The following KCNIP4 variants were observed in gnomAD, a reference collection of about 807,000 sequenced individuals.
KCNIP4 encodes Kv channel-interacting protein 4.
In KCNIP4, 12 loss-of-function variants were observed where a neutral mutation model predicts 34.0. The observed-to-expected ratio is 0.35, with a 90% CI of 0.23 to 0.57. The LOEUF (loss-of-function observed/expected upper bound fraction) is 0.57, where lower values mean the gene tolerates loss of function less well. KCNIP4 is among the 20% of genes least tolerant of loss of function. The pLI is 0.83. For synonymous variants in KCNIP4, 124 were observed against 102.2 expected, an observed-to-expected ratio of 1.21 and a Z score of -1.29; for missense variants, 238 against 311.7, an observed-to-expected ratio of 0.76 and a Z score of 1.78.
intron 1 of KCNIP4, among the ~76,000 whole-genome samples, chr4:21,202,484 C>T (rs1270637134): frequency 2.0e-5 from 3 of 152,174 alleles, no homozygotes; most frequent in Admixed American, 6.5e-5. Context: ...GGGTACAATG[C>T]TCACTTCTTG....
chr4:21,125,450 C>T (rs532862935), intron 1 of KCNIP4, among the ~76,000 whole-genome samples: 11 of 152,064 alleles, frequency 7.2e-5, no homozygotes, highest in South Asian at 6.2e-4. Context: ...CTCCTGACCT[C>T]GTGATCTGCC....
chr4:21,773,739 T>TTGG (rs1560703927), intron 1 of KCNIP4, among the ~76,000 whole-genome samples: 4 of 21,022 alleles, frequency 1.9e-4, no homozygotes, highest in African/African-American at 1.0e-3. Flanking sequence ...CCTGTTTTTT[T>TTGG]TTGTTGTTTT....
At chr4:21,828,434 AAT>A (rs1722796987) in intron 1 of KCNIP4, among the ~76,000 whole-genome samples, 1 of 151,860 alleles carries the variant, frequency 6.6e-6, no homozygotes, top group Non-Finnish European at 1.5e-5. Flanking sequence ...TGGAGAAGCA[AAT>A]ATACTCGAAG....
chr4:21,931,511 A>G (rs1214986510), intron 1 of KCNIP4, among the ~76,000 whole-genome samples: 1 of 147,868 alleles, frequency 6.8e-6, no homozygotes, highest in Non-Finnish European at 1.5e-5. Context: ...GAGTGAGAAC[A>G]GGCGGTGTTT....
chr4:20,890,445 G>T (rs376818241), intron 1 of KCNIP4, among the ~76,000 whole-genome samples: 1 of 151,948 alleles, frequency 6.6e-6, no homozygotes, highest in Non-Finnish European at 1.5e-5. Context: ...AAGATGAAAA[G>T]GTGTCTTATC....
At chr4:21,887,635 TTC>T (rs1726856820) in intron 1 of KCNIP4, among the ~76,000 whole-genome samples, 1 of 152,162 alleles carries the variant, frequency 6.6e-6, no homozygotes, top group Non-Finnish European at 1.5e-5. Flanking sequence ...AATGAATATT[TTC>T]TCTTTAGTCA....
intron 1 of KCNIP4, among the ~76,000 whole-genome samples, chr4:21,033,604 A>G (rs548291842): frequency 2.6e-5 from 4 of 152,328 alleles, no homozygotes; most frequent in African/African-American, 9.6e-5. Context: ...AAGTATGAAC[A>G]TGGAATTCAG....
chr4:21,714,315 C>T (rs957002968), intron 1 of KCNIP4, among the ~76,000 whole-genome samples: 2 of 152,126 alleles, frequency 1.3e-5, no homozygotes, highest in Admixed American at 1.3e-4. Context: ...TACAATCTCC[C>T]CTGATATTTC....
chr4:21,597,980 T>C lies in KCNIP4; in HGVS notation c.61+350591A>G, dbSNP rs532643227. 4.7e-4 allele frequency among the ~76,000 whole-genome samples: 72 copies of C among 152,140 alleles called. 2 individuals are homozygous for C. In the South Asian group the frequency reaches 0.015, roughly 31 times the overall value. ...AAATGCATTTTAAGAGAGTAATAAATAATTATGAACTGTTGATTCAGTTGG... is the reference window on the plus strand; with the variant it reads ...AAATGCATTTTAAGAGAGTAATAAACAATTATGAACTGTTGATTCAGTTGG... On this transcript the variant is annotated intron_variant, in intron 1 of 8. Coordinates refer to ENST00000382152, the MANE Select transcript of KCNIP4 (RefSeq NM_025221.6).
chr4:21,676,896 G>A (rs1749951138), intron 1 of KCNIP4, among the ~76,000 whole-genome samples: 1 of 151,360 alleles, frequency 6.6e-6, no homozygotes, highest in African/African-American at 2.4e-5. Flanking sequence ...TGAAATAAAG[G>A]TTTTTTAAAG....
chr4:21,539,109 G>A (rs1014474087), intron 1 of KCNIP4, among the ~76,000 whole-genome samples: 6 of 152,134 alleles, frequency 3.9e-5, no homozygotes, highest in Non-Finnish European at 7.3e-5. Flanking sequence ...ATGATTGTAA[G>A]TTTCCTGAGG....
chr4:20,750,553 ATTC>A (rs1192661392), intron 4 of KCNIP4, among the ~76,000 whole-genome samples: 2 of 150,990 alleles, frequency 1.3e-5, no homozygotes, highest in African/African-American at 2.4e-5. Context: ...TCTATTGGGT[ATTC>A]TTCCCCTCTC....
chr4:21,403,286 T>C (rs140557259), intron 1 of KCNIP4, among the ~76,000 whole-genome samples: 45 of 152,318 alleles, frequency 3.0e-4, no homozygotes, highest in African/African-American at 1.4e-4. Flanking sequence ...TCCACACCCA[T>C]TGAAATTATA....
chr4:21,256,293 C>T (rs1761056722), intron 1 of KCNIP4, among the ~76,000 whole-genome samples: 1 of 151,632 alleles, frequency 6.6e-6, no homozygotes, highest in Non-Finnish European at 1.5e-5. Flanking sequence ...GCTTTCTGAA[C>T]AGTGAAGAGA....
chr4:21,241,053 A>G (rs943770736), intron 1 of KCNIP4, among the ~76,000 whole-genome samples: 1 of 152,214 alleles, frequency 6.6e-6, no homozygotes, highest in Non-Finnish European at 1.5e-5. Flanking sequence ...GTGCTTATAT[A>G]CTGGCATACT....
At chr4:20,856,887 C>T (rs933218076) in intron 2 of KCNIP4, among the ~76,000 whole-genome samples, 17 of 152,080 alleles carry the variant, frequency 1.1e-4, no homozygotes, top group African/African-American at 4.1e-4. Context: ...ACCAAAACAG[C>T]GGATTAAATT....
chr4:21,758,337 G>T (rs1717806880), intron 1 of KCNIP4, among the ~76,000 whole-genome samples: 1 of 152,208 alleles, frequency 6.6e-6, no homozygotes, highest in Non-Finnish European at 1.5e-5. Context: ...AGTAACTGAA[G>T]ATGTGTGTAT....
intron 1 of KCNIP4, among the ~76,000 whole-genome samples, chr4:21,027,722 A>G (rs1426406358): frequency 6.6e-6 from 1 of 152,000 alleles, no homozygotes; most frequent in East Asian, 1.9e-4. Flanking sequence ...TGAAGAAAAG[A>G]AGTAGAGAAA....
chr4:21,871,057 T>G (rs977611088), intron 1 of KCNIP4, among the ~76,000 whole-genome samples: 7 of 151,188 alleles, frequency 4.6e-5, no homozygotes, highest in Non-Finnish European at 8.8e-5. Context: ...ATCAGGATCC[T>G]CTGAGTCCAA....
Sources: gnomAD v4.1 joint callset for allele counts (sites outside exome capture counted in the v4.1 genomes callset) on GRCh38, gnomAD v4.1.1 for gene constraint, MANE v1.5 for transcripts, NCBI Gene and HGNC (gene_info 2026-07-23, HGNC 2026-07-21) for gene names.